The following UMODL1 variants were observed in gnomAD, a reference collection of about 807,000 sequenced individuals.
UMODL1 encodes the protein uromodulin like 1.
UMODL1 carries 128 observed loss-of-function variants against 136.3 expected under a neutral mutation model. That is an observed-to-expected ratio of 0.94 (90% confidence interval 0.81 to 1.09). UMODL1 has a LOEUF of 1.09. UMODL1 is among the 50% of genes least tolerant of loss of function. UMODL1 has a pLI of 0.00. For synonymous variants in UMODL1, 721 were observed against 720.0 expected (o/e 1.00, Z -0.02); for missense variants, 1,766 against 1,725.6 (o/e 1.02, Z -0.41).
Position 42,110,934 on chromosome 21 carries a change from TC to T in UMODL1, c.1715del (p.Pro572GlnfsTer12). The T allele has an allele frequency of 1.2e-6, 2 of 1,612,854 alleles. No individual in the cohort carries two copies. Among genetic ancestry groups the T allele is most frequent in the Non-Finnish European group, 1.7e-6 (2 of 1,179,738 alleles). On this transcript the variant is annotated frameshift_variant, in exon 11 of 23. Coordinates refer to ENST00000408910, the MANE Select transcript of UMODL1 (RefSeq NM_001004416.3). LOFTEE classifies it high-confidence loss of function. ...GGLSAATGVT[V>X]PGLGTGTAAL... ...CTGTCTGCGGCAACAGGGGTAACGGTCCCAGGTCTTGGCACGGGAACAGCAG... is the reference window on the plus strand; with the variant it reads ...CTGTCTGCGGCAACAGGGGTAACGGTCCAGGTCTTGGCACGGGAACAGCAG...
chr21:42,119,342 G>A lies in UMODL1; in HGVS notation c.2689+18G>A, dbSNP rs763699983. 29 of 1,607,076 alleles carry A rather than the reference G, an allele frequency of 1.8e-5. No individual in the cohort carries two copies. Among genetic ancestry groups the A allele is most frequent in the Admixed American group, 3.3e-5 (2 of 59,982 alleles). ...CATACAGGGTACGAGAGGCTGGGAT[G>A]GAGCCTCTCCCGTGTTCTGGAACCA... On this transcript the variant is annotated intron_variant, in intron 15 of 22. Coordinates refer to ENST00000408910, the MANE Select transcript of UMODL1 (RefSeq NM_001004416.3).
Position 42,122,436 on chromosome 21 carries a change from C to T in UMODL1, c.2828-395C>T, listed in dbSNP as rs925750782. ...CAGGGCAGAAGACTCACCCTGTATCCACTGGCTTGGCACATCCCCGGCATC... is the reference window on the plus strand; with the variant it reads ...CAGGGCAGAAGACTCACCCTGTATCTACTGGCTTGGCACATCCCCGGCATC... On this transcript the variant is annotated intron_variant, in intron 16 of 22. Coordinates refer to ENST00000408910, the MANE Select transcript of UMODL1 (RefSeq NM_001004416.3). This position sits in a 1 kb window ranked among gnomAD's most constrained non-coding sequence, Gnocchi z 4.3. Among the ~76,000 whole-genome samples, 1 of 152,190 alleles carries T rather than the reference C, an allele frequency of 6.6e-6. No individual in the cohort carries two copies. Among genetic ancestry groups the T allele is most frequent in the Non-Finnish European group, 1.5e-5 (1 of 68,010 alleles).
Position 42,105,160 on chromosome 21 carries a change from C to T in UMODL1, c.1519+1073C>T, listed in dbSNP as rs1313087737. Among the ~76,000 whole-genome samples the T allele has an allele frequency of 2.6e-5, 4 of 152,342 alleles. No individual in the cohort carries two copies. The East Asian group carries it at 7.7e-4, about 29-fold the overall frequency. On this transcript the variant is annotated intron_variant, in intron 9 of 22. Transcript: ENST00000408910. ...CCTCGGCCTGGGGTTACTCTGTTCA[C>T]TTGGCACTCCCTAAGGATGGGGATA...
chr21:42,130,674 C>T (rs2067122632), intron 21 of UMODL1, among the ~76,000 whole-genome samples: 1 of 152,138 alleles, frequency 6.6e-6, no homozygotes, highest in Admixed American at 6.5e-5. Context: ...TAGAGGTGCA[C>T]CCTCCTTAAA....
chr21:42,131,713 A>G (rs1263152061), intron 21 of UMODL1, among the ~76,000 whole-genome samples: 7 of 152,056 alleles, frequency 4.6e-5, no homozygotes, highest in African/African-American at 1.7e-4. Flanking sequence ...TTGGGAAACT[A>G]AAAAAGTAGA....
intron 9 of UMODL1, among the ~76,000 whole-genome samples, chr21:42,104,766 A>T (rs892232813): frequency 6.6e-6 from 1 of 152,096 alleles, no homozygotes; most frequent in African/African-American, 2.4e-5. Flanking sequence ...GGTCTATTTC[A>T]TTACGCTGTG....
intron 6 of UMODL1, among the ~76,000 whole-genome samples, chr21:42,096,029 T>C (rs1417299312): frequency 2.0e-5 from 3 of 152,188 alleles, no homozygotes; most frequent in Admixed American, 6.5e-5. Context: ...CTGCGTTAGC[T>C]TGGACACTGT....
chr21:42,126,156 T>C (rs1457469158), intron 17 of UMODL1, among the ~76,000 whole-genome samples, 189 bp from the exon 18 acceptor site: 2 of 152,124 alleles, frequency 1.3e-5, no homozygotes, highest in Non-Finnish European at 2.9e-5. Context: ...CAATAGGGAA[T>C]GAGCAGAGGC....
At chr21:42,118,983 C>T (rs779592885) in intron 14 of UMODL1, 128 bp from the exon 15 acceptor site, 1 of 886,504 alleles carries the variant, frequency 1.1e-6, no homozygotes, top group African/African-American at 1.7e-5. Flanking sequence ...CAGAACCAAC[C>T]TGTGGCTTTT....
chr21:42,086,427 A>G, intron 4 of UMODL1: 1 of 431,968 alleles, frequency 2.3e-6, no homozygotes, highest in South Asian at 1.7e-5. Flanking sequence ...GATGGTGCAC[A>G]CCTCATGTTG....
intron 2 of UMODL1, among the ~76,000 whole-genome samples, chr21:42,081,940 C>A (rs2066366708): frequency 6.6e-6 from 1 of 152,236 alleles, no homozygotes; most frequent in African/African-American, 2.4e-5. Context: ...TCTCAGCAAG[C>A]CTCCACCAGG....
In UMODL1 at chr21:42,126,488, G is replaced by A; in HGVS notation, c.3291G>A (p.Trp1097Ter). ...LLTSSGFTLEWGVYTIIEDLH... is the reference protein window; with the variant it reads ...LLTSSGFTLE ...CATCCTCCGGCTTCACCCTGGAGTGGGGGTAAGGGAGAAATGCCCCGGCTG... is the reference window on the plus strand; with the variant it reads ...CATCCTCCGGCTTCACCCTGGAGTGAGGGTAAGGGAGAAATGCCCCGGCTG... The change falls in exon 18 of 23, where the codon TGG becomes TGA. Residue 1097 changes from tryptophan (W) to a stop codon, truncating the protein, a stop_gained and splice_region_variant. Transcript: ENST00000408910. LOFTEE classifies it high-confidence loss of function. 3.1e-6 allele frequency: 5 copies of A among 1,614,216 alleles called. No individual in the cohort carries two copies. Among genetic ancestry groups the A allele is most frequent in the Non-Finnish European group, 4.2e-6 (5 of 1,180,028 alleles).
chr21:42,130,810 T>C (rs1340825372), intron 21 of UMODL1, among the ~76,000 whole-genome samples: 1 of 135,624 alleles, frequency 7.4e-6, no homozygotes, highest in Non-Finnish European at 1.6e-5. Context: ...TGACCTCCAC[T>C]TTTTTTTTTT....
At chr21:42,120,357 G>T (rs2066953541) in intron 15 of UMODL1, among the ~76,000 whole-genome samples, 1 of 152,234 alleles carries the variant, frequency 6.6e-6, no homozygotes, top group African/African-American at 2.4e-5. Flanking sequence ...TAAGGAATTT[G>T]ATCTGTTTGG....
intron 21 of UMODL1, among the ~76,000 whole-genome samples, chr21:42,133,923 G>A (rs1404390345): frequency 7.6e-6 from 1 of 131,200 alleles, no homozygotes; most frequent in African/African-American, 2.8e-5. Context: ...GTTTTGTTTC[G>A]TTTTGTTTTG....
intron 6 of UMODL1, among the ~76,000 whole-genome samples, chr21:42,096,464 C>T (rs1408183890): frequency 6.6e-6 from 1 of 152,196 alleles, no homozygotes; most frequent in Non-Finnish European, 1.5e-5. Flanking sequence ...GCATGCATTG[C>T]CAGCCCCGTA....
At chr21:42,139,146 A>T (rs1186011121) in intron 22 of UMODL1, among the ~76,000 whole-genome samples, 1 of 152,108 alleles carries the variant, frequency 6.6e-6, no homozygotes, top group African/African-American at 2.4e-5. Context: ...CCAGAGGGGA[A>T]CCCTGCCTCA....
chr21:42,106,550 GC>G (rs2066722203), intron 9 of UMODL1, among the ~76,000 whole-genome samples: 1 of 152,090 alleles, frequency 6.6e-6, no homozygotes, highest in Non-Finnish European at 1.5e-5. Context: ...TTACCCTTAG[GC>G]CGTCCATCCC....
At position 42,111,011 on chromosome 21, in the gene UMODL1, G is replaced by A; in HGVS notation, c.1789G>A (p.Gly597Ser). The change falls in exon 11 of 23, where the codon GGC becomes AGC. Residue 597 changes from glycine to serine, a missense_variant. Physicochemically the swap from Gly to Ser is moderately conservative, Grantham distance 56 (BLOSUM62 0). Transcript: ENST00000408910. ...TLSPSPGYPQ[G>S]TPAAGQAWTP... is the part of the protein sequence containing the mutation. ...GTCACCCAGTCCTGGGTACCCTCAG[G>A]GCACCCCGGCAGCAGGCCAGGCCTG... The A allele has an allele frequency of 6.2e-7, 1 of 1,612,858 alleles. No homozygotes were observed. Among genetic ancestry groups the A allele is most frequent in the South Asian group, 1.1e-5 (1 of 90,796 alleles).
Sources: gnomAD v4.1 joint callset for allele counts (sites outside exome capture counted in the v4.1 genomes callset) on GRCh38, gnomAD v4.1.1 for gene constraint, Gnocchi (gnomAD v3.1) non-coding constraint, MANE v1.5 for transcripts, NCBI Gene and HGNC (gene_info 2026-07-23, HGNC 2026-07-21) for gene names.